Variants in SYCP2L observed in about 807,000 individuals in gnomAD.
SYCP2L encodes the protein synaptonemal complex protein 2-like.
A neutral mutation model predicts 125.8 loss-of-function variants in SYCP2L; 98 were observed. The ratio of observed to expected loss-of-function variants is 0.78; its 90% CI spans 0.66 to 0.92. The LOEUF is 0.92. SYCP2L is among the 40% of genes least tolerant of loss of function. The pLI, the probability that SYCP2L is intolerant of heterozygous loss-of-function variation, is 0.00. For synonymous variants in SYCP2L, 317 were observed against 325.4 expected, an observed-to-expected ratio of 0.97 and a Z score of 0.28; for missense variants, 842 against 936.4, an observed-to-expected ratio of 0.90 and a Z score of 1.32.
intron 14 of SYCP2L, among the ~76,000 whole-genome samples, chr6:10,918,812 G>A (rs186162910): frequency 1.6e-4 from 25 of 152,310 alleles, no homozygotes; most frequent in Non-Finnish European, 4.4e-5. Flanking sequence ...GGGATTACAG[G>A]CGTGAGCTAC....
chr6:10,926,256 G>T lies in SYCP2L; in HGVS notation c.1219-83G>T, dbSNP rs1197413189. On this transcript the variant is annotated intron_variant, in intron 15 of 29. Transcript: ENST00000283141. ...AACTTCTGATTTATCAGTGTGTTTT[G>T]TTCTAAGCTTTACGTTTTCCTTAAA... The T allele has an allele frequency of 5.0e-6, 5 of 1,001,546 alleles. No individual in the cohort carries two copies. In the East Asian group the frequency reaches 9.7e-5, roughly 20 times the overall value. The allele number at this position is 1,001,546 out of a possible 1,614,324, so 62.0% of individuals were successfully genotyped here.
At chr6:10,905,625 A>T (rs965618087) in intron 8 of SYCP2L, among the ~76,000 whole-genome samples, 1 of 152,224 alleles carries the variant, frequency 6.6e-6, no homozygotes, top group Non-Finnish European at 1.5e-5. Context: ...CAAGCAGCTC[A>T]TAGGAAAGAA....
rs1384735739 is a variant in SYCP2L at position 10,944,923 on chromosome 6, A to G, written c.1954+2177A>G. On this transcript the variant is annotated intron_variant, in intron 23 of 29. Coordinates refer to ENST00000283141, the MANE Select transcript of SYCP2L (RefSeq NM_001040274.3). ...GCAACGGGGTTTCGCCATGTTGGCC[A>G]GGCTGGTCTTGAACTCCTGACCTCA... is the stretch of plus-strand genomic sequence containing the variant. 6.6e-5 allele frequency among the ~76,000 whole-genome samples: 10 copies of G among 152,226 alleles called. No individual in the cohort carries two copies. In the East Asian group the frequency reaches 9.6e-4, roughly 15 times the overall value.
At chr6:10,937,179 T>C (rs894765629) in intron 21 of SYCP2L, among the ~76,000 whole-genome samples, 1 of 152,308 alleles carries the variant, frequency 6.6e-6, no homozygotes, top group Middle Eastern at 3.4e-3. Flanking sequence ...TTCTCCAGAA[T>C]TGATCATATG....
At position 10,955,149 on chromosome 6, in the gene SYCP2L, A is replaced by G. The variant is rs1781479989; in HGVS notation, c.1988A>G (p.Gln663Arg). Residue 663 changes from glutamine to arginine, a missense_variant, in exon 24 of 30, where the codon CAA (glutamine) becomes CGA (arginine). Transcript: ENST00000283141. ...IPEGSFAKSQQSRLEEEVAPG... is the reference protein window; with the variant it reads ...IPEGSFAKSQRSRLEEEVAPG... Reference sequence around the variant, plus strand: ...GAAGGTAGTTTTGCTAAGTCACAACAATCAAGATTGGAAGAAGAGGTTGCT... The same window carrying G: ...GAAGGTAGTTTTGCTAAGTCACAACGATCAAGATTGGAAGAAGAGGTTGCT... 2.5e-6 allele frequency: 4 copies of G among 1,613,526 alleles called. No homozygotes were observed. In the East Asian group the frequency reaches 8.9e-5, roughly 36 times the overall value.
chr6:10,895,461 G>A (rs1581814981), intron 4 of SYCP2L, among the ~76,000 whole-genome samples: 1 of 152,082 alleles, frequency 6.6e-6, no homozygotes, highest in African/African-American at 2.4e-5. Flanking sequence ...TTTAGATAGG[G>A]TGGGCATGTA....
chr6:10,887,195 CG>C, intron 1 of SYCP2L, 60 bp downstream of exon 1: 2 of 1,608,820 alleles, frequency 1.2e-6, no homozygotes, highest in South Asian at 1.1e-5. Context: ...CGCGAGGGCG[CG>C]GGGTCCCTGG....
At chr6:10,914,989 G>A (rs892409339) in intron 14 of SYCP2L, among the ~76,000 whole-genome samples, 10 of 151,904 alleles carry the variant, frequency 6.6e-5, no homozygotes, top group African/African-American at 1.2e-4. Context: ...CAGGTGATCC[G>A]CCCAACTCAG....
intron 9 of SYCP2L, among the ~76,000 whole-genome samples, chr6:10,906,576 T>C (rs925307814): frequency 2.6e-5 from 4 of 151,950 alleles, no homozygotes; most frequent in Non-Finnish European, 2.9e-5. Flanking sequence ...ACAAGTTATT[T>C]TGGGATTTTA....
chr6:10,931,964 CAAAA>C (rs70991075), intron 20 of SYCP2L, among the ~76,000 whole-genome samples: 4 of 102,664 alleles, frequency 3.9e-5, no homozygotes, highest in Non-Finnish European at 7.4e-5. Flanking sequence ...GACCGTGTCT[CAAAA>C]AAAAAAAAAA....
In SYCP2L at chr6:10,912,758, A is replaced by T; in HGVS notation, c.1004A>T (p.Asn335Ile). The T allele has an allele frequency of 6.2e-7, 1 of 1,613,322 alleles. No individual in the cohort carries two copies. The highest frequency in any genetic ancestry group is 1.1e-5 in the South Asian group (1 of 91,022). The change falls in exon 13 of 30, where the codon AAT (asparagine) becomes ATT (isoleucine). Residue 335 changes from asparagine (N) to isoleucine (I), a missense_variant. Physicochemically the swap from Asn to Ile is moderately radical, Grantham distance 149. Transcript: ENST00000283141. This position sits in a 1 kb window ranked among gnomAD's most constrained non-coding sequence, Gnocchi z 4.1. Reference sequence around the variant, plus strand: ...CAGAGTGTCACTTTTTATATAGACAATGCTGAGGTAATGATGTTCGATTCT... The same window carrying T: ...CAGAGTGTCACTTTTTATATAGACATTGCTGAGGTAATGATGTTCGATTCT... ...GSQSVTFYID[N>I]AENTLWDSVT...
chr6:10,911,210 G>C lies in SYCP2L; in HGVS notation c.918+341G>C, dbSNP rs149087485. On this transcript the variant is annotated intron_variant, in intron 12 of 29. Transcript: ENST00000283141. ...CTGGGGTAAAAAGGATGATTTCCTT[G>C]CTTCTTTCCTTCCGGTTTATGCCCT... Among the ~76,000 whole-genome samples the C allele has an allele frequency of 2.4e-3, 371 of 152,192 alleles. 1 individual carries two copies. The highest frequency in any genetic ancestry group is 8.2e-3 in the African/African-American group (340 of 41,526).
intron 21 of SYCP2L, among the ~76,000 whole-genome samples, chr6:10,938,204 T>C (rs557332396): frequency 6.5e-4 from 99 of 152,180 alleles, no homozygotes; most frequent in Non-Finnish European, 1.1e-3. Flanking sequence ...TTAAAAGGAC[T>C]ATACACCATG....
At position 10,969,473 on chromosome 6, in the gene SYCP2L, G is replaced by A. The variant is rs375944576; in HGVS notation, c.*38-4479G>A. ...CCTCCTGAGTTCACGCCATTCTCCA[G>A]CCTCAGCCTCCCGAGTAGCTGGGAC... On this transcript the variant is annotated intron_variant, in intron 29 of 29. Transcript: ENST00000283141. Among the ~76,000 whole-genome samples the A allele has an allele frequency of 2.7e-3, 405 of 149,746 alleles. 1 individual carries two copies. Among genetic ancestry groups the A allele is most frequent in the African/African-American group, 9.5e-3 (387 of 40,596 alleles).
At chr6:10,913,048 T>C (rs1780636378) in intron 14 of SYCP2L, 121 bp downstream of exon 14, 1 of 864,880 alleles carries the variant, frequency 1.2e-6, no homozygotes, top group Non-Finnish European at 1.8e-6. Flanking sequence ...AGGAAGGCTG[T>C]ATGGTATGAT....
chr6:10,888,739 G>T (rs912533546), intron 1 of SYCP2L, among the ~76,000 whole-genome samples: 2 of 152,152 alleles, frequency 1.3e-5, no homozygotes, highest in African/African-American at 2.4e-5. Context: ...TAACATAAAG[G>T]CTCCCGGGAA....
chr6:10,959,829 A>G (rs1489410674), intron 26 of SYCP2L, among the ~76,000 whole-genome samples: 1 of 150,128 alleles, frequency 6.7e-6, no homozygotes, highest in East Asian at 2.0e-4. Flanking sequence ...AGATCATGCC[A>G]TTGCACTCCA....
At chr6:10,921,814 T>G (rs931327150) in intron 14 of SYCP2L, among the ~76,000 whole-genome samples, 3 of 152,110 alleles carry the variant, frequency 2.0e-5, no homozygotes, top group African/African-American at 7.2e-5. Flanking sequence ...CATGCCATTC[T>G]TCTGCCTCAG....
intron 18 of SYCP2L, among the ~76,000 whole-genome samples, chr6:10,928,878 G>A (rs1203710438): frequency 6.8e-6 from 1 of 147,160 alleles, no homozygotes; most frequent in Non-Finnish European, 1.5e-5. Flanking sequence ...CCTTGAGATT[G>A]TTTTTGCCTC....
Sources: gnomAD v4.1 joint callset for allele counts (sites outside exome capture counted in the v4.1 genomes callset) on GRCh38, gnomAD v4.1.1 for gene constraint, Gnocchi (gnomAD v3.1) non-coding constraint, MANE v1.5 for transcripts, NCBI Gene and HGNC (gene_info 2026-07-23, HGNC 2026-07-21) for gene names.